Variants in SCRN1 observed in about 807,000 individuals in gnomAD.
The protein encoded by SCRN1 is secernin-1.
In SCRN1, 19 loss-of-function variants were observed where a neutral mutation model predicts 43.3. The observed-to-expected ratio is 0.44, with a 90% CI of 0.31 to 0.64. The LOEUF is 0.64. Ranked by LOEUF, SCRN1 falls within the 30% of genes least tolerant of loss-of-function variation. SCRN1 has a pLI of 0.09. For missense variants in SCRN1, 447 were observed against 524.1 expected (o/e 0.85, Z 1.44); for synonymous variants, 183 against 188.9 (o/e 0.97, Z 0.26).
At chr7:29,982,344 C>A (rs1180168261) in intron 1 of SCRN1, among the ~76,000 whole-genome samples, 1 of 152,060 alleles carries the variant, frequency 6.6e-6, no homozygotes, top group Non-Finnish European at 1.5e-5. Context: ...ACCCATCACA[C>A]ACGTATTATG....
At chr7:29,927,740 C>T (rs77746586) in intron 6 of SCRN1, among the ~76,000 whole-genome samples, 3,138 of 152,236 alleles carry the variant, frequency 0.021, 38 homozygotes, top group South Asian at 0.056. Flanking sequence ...TAGAGGTGAG[C>T]TAGGATGTTG....
At chr7:29,985,541 C>T (rs1435114745) in intron 1 of SCRN1, among the ~76,000 whole-genome samples, 1 of 152,174 alleles carries the variant, frequency 6.6e-6, no homozygotes, top group Non-Finnish European at 1.5e-5. Context: ...GGCCCTCTCA[C>T]TGTACTGGGG....
chr7:29,989,947 G>C, upstream of SCRN1: 1 of 1,289,864 alleles, frequency 7.8e-7, no homozygotes, highest in Non-Finnish European at 9.9e-7. Context: ...GCTCACCGTC[G>C]AGTAGGGAGG....
At chr7:29,979,926 G>A (rs1788947914) in intron 1 of SCRN1, among the ~76,000 whole-genome samples, 1 of 152,146 alleles carries the variant, frequency 6.6e-6, no homozygotes. Flanking sequence ...TTCTTTCATA[G>A]AAATATAAAG....
In SCRN1 at chr7:29,923,037, AG is replaced by A. The variant is rs1216297509; in HGVS notation, c.*919del. The stretch of plus-strand genomic sequence containing the variant: ...TTCCTTTTCTTTCCCTCCTTGGCTG[AG>A]AGATTCACTACTCTGTGGGTGGAAC... On this transcript the variant is annotated 3_prime_UTR_variant, in exon 8 of 8. Transcript: ENST00000242059. 7.7e-6 allele frequency: 1 copy of A among 129,616 alleles called. No individual in the cohort carries two copies. Among genetic ancestry groups the A allele is most frequent in the Non-Finnish European group, 1.8e-5 (1 of 55,882 alleles). 8.0% of individuals were successfully genotyped at this position (129,616 alleles called of 1,614,324 possible). A position where few individuals can be genotyped will look rare whatever the true frequency, so the allele number is the denominator to read the frequency against.
chr7:29,966,267 C>T (rs1215984382), intron 2 of SCRN1, among the ~76,000 whole-genome samples: 1 of 151,576 alleles, frequency 6.6e-6, no homozygotes, highest in African/African-American at 2.4e-5. Context: ...CATGCTCCAC[C>T]GGTCAGAGCA....
chr7:29,972,257 C>A (rs879300631), intron 1 of SCRN1, among the ~76,000 whole-genome samples: 14 of 152,134 alleles, frequency 9.2e-5, no homozygotes, highest in African/African-American at 2.7e-4. Flanking sequence ...TTGTGTGATG[C>A]CTCGAGTATC....
chr7:29,957,535 C>T (rs1788173531), intron 2 of SCRN1, among the ~76,000 whole-genome samples: 1 of 152,146 alleles, frequency 6.6e-6, no homozygotes, highest in South Asian at 2.1e-4. Context: ...GTGTAAGCCC[C>T]AAGAGGGAAG....
rs142151938 is a variant in SCRN1, at chr7:29,976,537, C to G, written c.-1-7469G>C. Among the ~76,000 whole-genome samples the G allele has an allele frequency of 6.3e-4, 96 of 152,194 alleles. No individual in the cohort carries two copies. In the East Asian group the frequency reaches 0.012, roughly 19 times the overall value. On this transcript the variant is annotated intron_variant, in intron 1 of 7. Transcript: ENST00000242059. Reference sequence around the variant, plus strand: ...TGGATGTCCTTAACACTTCTGAACTCTACAGTTAAAAATGGTTAGGATGGT... The same window carrying G: ...TGGATGTCCTTAACACTTCTGAACTGTACAGTTAAAAATGGTTAGGATGGT...
chr7:29,937,137 T>C (rs1344541710), intron 5 of SCRN1, among the ~76,000 whole-genome samples: 3 of 151,560 alleles, frequency 2.0e-5, no homozygotes, highest in Admixed American at 1.3e-4. Context: ...ATTCTCTTTT[T>C]AGTAATAAAA....
At chr7:29,968,492 G>C (rs1788567981) in intron 2 of SCRN1, among the ~76,000 whole-genome samples, 1 of 152,164 alleles carries the variant, frequency 6.6e-6, no homozygotes, top group African/African-American at 2.4e-5. Flanking sequence ...AAAGGGACCA[G>C]GATGAATATG....
Position 29,926,511 on chromosome 7 carries a change from G to A in SCRN1, c.1027C>T (p.Arg343Cys). The A allele has an allele frequency of 3.7e-6, 6 of 1,614,080 alleles. No individual in the cohort carries two copies. Among genetic ancestry groups the A allele is most frequent in the Non-Finnish European group, 4.2e-6 (5 of 1,180,038 alleles). ...TGGGCTTTGTACAGCTCATGCCGGC[G>A]GTCTGGTTTCTCCTGGAACCGAGGC... ...KEPRFQEKPDRRHELYKAHEW... is the reference protein window; with the variant it reads ...KEPRFQEKPDCRHELYKAHEW... Residue 343 changes from arginine (R) to cysteine (C), a missense_variant, in exon 7 of 8, where the codon CGC becomes TGC. Arg to Cys is a radical substitution (Grantham distance 180). Transcript: ENST00000242059.
intron 1 of SCRN1, among the ~76,000 whole-genome samples, chr7:29,975,844 T>G (rs929340276): frequency 6.6e-6 from 1 of 152,266 alleles, no homozygotes; most frequent in African/African-American, 2.4e-5. Flanking sequence ...GACAAGCATT[T>G]CCTAAGAAGT....
chr7:29,936,607 T>C lies in SCRN1; in HGVS notation c.854A>G (p.Asn285Ser). ...GTAGTGAATGCACGGAGAGCTTCTA[T>C]TCTGCGGCAGGACAGACACTCCACT... ...TASGVSVLPQ[N>S]RSSPCIHYFT... The change falls in exon 6 of 8, where the codon AAT becomes AGT. Residue 285 changes from asparagine (N) to serine (S), a missense_variant. Asn to Ser is a conservative substitution (Grantham distance 46). Coordinates refer to ENST00000242059, the MANE Select transcript of SCRN1 (RefSeq NM_014766.5). 1 of 1,606,268 alleles carries C rather than the reference T, an allele frequency of 6.2e-7. No individual in the cohort carries two copies. Among genetic ancestry groups the C allele is most frequent in the Non-Finnish European group, 8.5e-7 (1 of 1,173,980 alleles).
chr7:29,971,961 GAAC>G (rs1394885523), intron 1 of SCRN1, among the ~76,000 whole-genome samples: 1 of 152,162 alleles, frequency 6.6e-6, no homozygotes, highest in Non-Finnish European at 1.5e-5. Context: ...TAGCTCAGTA[GAAC>G]ATCACCCCTT....
chr7:29,951,185 G>C (rs1045799165), intron 3 of SCRN1, among the ~76,000 whole-genome samples: 1 of 152,238 alleles, frequency 6.6e-6, no homozygotes, highest in African/African-American at 2.4e-5. Flanking sequence ...TGCAGTGGAA[G>C]CCATTTGCAG....
In SCRN1 at chr7:29,926,439, C is replaced by A. The variant is rs545638883; in HGVS notation, c.1086+13G>T. 17 of 1,608,542 alleles carry A rather than the reference C, an allele frequency of 1.1e-5. No individual in the cohort carries two copies. The African/African-American group carries it at 1.3e-4, about 13-fold the overall frequency. ...CCTCCGCCTCCGCCTCTGTGGCCCT[C>A]ATGCAAGCTCACCTGGTCACTTTCG... is the stretch of plus-strand genomic sequence containing the variant. On this transcript the variant is annotated intron_variant, in intron 7 of 7. Coordinates refer to ENST00000242059, the MANE Select transcript of SCRN1 (RefSeq NM_014766.5).
At position 29,936,627 on chromosome 7, in the gene SCRN1, T is replaced by C. The variant is rs1245616688; in HGVS notation, c.834A>G (p.Gly278=). 2 of 1,608,076 alleles carry C rather than the reference T, an allele frequency of 1.2e-6. No individual in the cohort carries two copies. The highest frequency in any genetic ancestry group is 1.7e-5 in the Admixed American group (1 of 59,878). The part of the protein sequence containing the change: ...DSEFFLTTAS[G]VSVLPQNRSS... ...TTCTATTCTGCGGCAGGACAGACACTCCACTGGCTGTGGTGAGGAAAAACT... is the reference window on the plus strand; with the variant it reads ...TTCTATTCTGCGGCAGGACAGACACCCCACTGGCTGTGGTGAGGAAAAACT... The change falls in exon 6 of 8, where the codon GGA becomes GGG. Residue 278 remains glycine, a synonymous_variant. Coordinates refer to ENST00000242059, the MANE Select transcript of SCRN1 (RefSeq NM_014766.5).
intron 1 of SCRN1, among the ~76,000 whole-genome samples, chr7:29,979,590 C>T (rs1483102396): frequency 1.3e-5 from 2 of 152,140 alleles, no homozygotes; most frequent in African/African-American, 4.8e-5. Context: ...ATTCAAGGAC[C>T]ACCTGCAAGA....
Sources: allele counts gnomAD v4.1 joint callset (sites outside exome capture counted in the v4.1 genomes callset), GRCh38; gene constraint gnomAD v4.1.1; transcripts MANE v1.5; gene names NCBI Gene and HGNC (gene_info 2026-07-23, HGNC 2026-07-21).